Variants in HIPK1 observed in about 807,000 individuals in gnomAD.
HIPK1 encodes homeodomain-interacting protein kinase 1.
In HIPK1, 28 loss-of-function variants were observed where a neutral mutation model predicts 117.1. The observed-to-expected ratio is 0.24, with a 90% CI of 0.18 to 0.33. The LOEUF is 0.33. HIPK1 is among the 10% of genes least tolerant of loss of function. The pLI, the probability that HIPK1 is intolerant of heterozygous loss-of-function variation, is 1.00. For missense variants in HIPK1, 1,122 were observed against 1,475.1 expected (o/e 0.76, Z 3.92); for synonymous variants, 605 against 562.5 (o/e 1.08, Z -1.07).
chr1:113,956,701 G>T lies in HIPK1; in HGVS notation c.1482G>T (p.Leu494=), dbSNP rs1671749902. 6.2e-7 allele frequency: 1 copy of T among 1,614,000 alleles called. No individual in the cohort carries two copies. The highest frequency in any genetic ancestry group is 8.5e-7 in the Non-Finnish European group (1 of 1,179,886). ...EKADRREYID[L]LKKMLTIDAD... The stretch of plus-strand genomic sequence containing the variant: ...CAGACCGAAGAGAATACATTGATCT[G>T]TTAAAGAAAATGCTCACAATTGATG... The change falls in exon 6 of 16, where the codon CTG becomes CTT. Residue 494 remains leucine, a synonymous_variant. Transcript: ENST00000426820.
chr1:113,959,661 T>C (rs1227610969), intron 8 of HIPK1, among the ~76,000 whole-genome samples: 1 of 152,154 alleles, frequency 6.6e-6, no homozygotes, highest in Non-Finnish European at 1.5e-5. Flanking sequence ...ACTAATGAAG[T>C]TAGAGGGGAA....
At chr1:113,969,857 T>A in intron 13 of HIPK1, 99 bp from the exon 14 acceptor site, 1 of 1,337,052 alleles carries the variant, frequency 7.5e-7, no homozygotes, top group Non-Finnish European at 1.0e-6. Context: ...CAGCGAGCTG[T>A]GATCACTCCA....
intron 1 of HIPK1, among the ~76,000 whole-genome samples, chr1:113,930,260 T>A (rs1571629166): frequency 6.6e-6 from 1 of 152,166 alleles, no homozygotes; most frequent in Non-Finnish European, 1.5e-5. Context: ...ACTCGGCCGG[T>A]TTTTTCCCCG....
In HIPK1 at chr1:113,941,137, G is replaced by A; in HGVS notation, c.754G>A (p.Val252Ile). 1 of 1,614,216 alleles carries A rather than the reference G, an allele frequency of 6.2e-7. No individual in the cohort carries two copies. The highest frequency in any genetic ancestry group is 8.5e-7 in the Non-Finnish European group (1 of 1,180,030). Residue 252 changes from valine to isoleucine, a missense_variant, in exon 2 of 16, where the codon GTC becomes ATC. Physicochemically the swap from Val to Ile is conservative, Grantham distance 29. Transcript: ENST00000426820. This position sits in a 1 kb window ranked among gnomAD's most constrained non-coding sequence, Gnocchi z 4.9. ...SSENADEYNF[V>I]RSYECFQHKN... is the part of the protein sequence containing the mutation. ...TGAAAATGCTGATGAGTATAATTTT[G>A]TCCGTTCATACGAGTGCTTTCAGCA...
chr1:113,930,345 GT>G (rs1366684788), intron 1 of HIPK1, among the ~76,000 whole-genome samples: 1 of 152,256 alleles, frequency 6.6e-6, no homozygotes, highest in Non-Finnish European at 1.5e-5. Flanking sequence ...ATGGTTTTGG[GT>G]TATTTGTGCT....
intron 1 of HIPK1, among the ~76,000 whole-genome samples, chr1:113,939,238 T>C (rs1670479230): frequency 6.6e-6 from 1 of 151,926 alleles, no homozygotes; most frequent in African/African-American, 2.4e-5. Flanking sequence ...CACTGCAGCC[T>C]CTACCTCTGG....
At position 113,968,478 on chromosome 1, in the gene HIPK1, T is replaced by A. The variant is rs1001301553; in HGVS notation, c.2601T>A (p.Ser867=). Residue 867 remains serine, a synonymous_variant, in exon 13 of 16, where the codon TCT becomes TCA. Transcript: ENST00000426820. ...ATGTTCTGCCTTCCCAAGTCTATTC[T>A]CTGGTTGGGAGCAGTCCCCTCCGCA... ...SLDVLPSQVY[S]LVGSSPLRTT... The A allele has an allele frequency of 6.2e-7, 1 of 1,614,094 alleles. No individual in the cohort carries two copies. The highest frequency in any genetic ancestry group is 8.5e-7 in the Non-Finnish European group (1 of 1,179,942).
In HIPK1 at chr1:113,956,748, TA is replaced by T. The variant is rs1489116857; in HGVS notation, c.1534del (p.Thr512LeufsTer7). On this transcript the variant is annotated frameshift_variant, in exon 6 of 16. Coordinates refer to ENST00000426820, the MANE Select transcript of HIPK1 (RefSeq NM_198268.3). LOFTEE classifies it high-confidence loss of function. ...GATGCAGATAAGAGAATTACCCCTCTAAAAACTCTTAACCATCAGTTTGTGA... is the reference window on the plus strand; with the variant it reads ...GATGCAGATAAGAGAATTACCCCTCTAAAACTCTTAACCATCAGTTTGTGA... ...TIDADKRITP[L>X]KTLNHQFVTM... 1 of 1,613,924 alleles carries T rather than the reference TA, an allele frequency of 6.2e-7. No homozygotes were observed. Among genetic ancestry groups the T allele is most frequent in the Non-Finnish European group, 8.5e-7 (1 of 1,179,908 alleles).
rs1671435284 is a variant in HIPK1, at chr1:113,952,518, C to T, written c.1077-248C>T. ...TTTGATTATAGTGCACTGCCCTGAA[C>T]TCCACTGGGATTATTATATAATGTG... On this transcript the variant is annotated intron_variant, in intron 2 of 15. Transcript: ENST00000426820. Among the ~76,000 whole-genome samples the T allele has an allele frequency of 3.9e-5, 6 of 152,254 alleles. No homozygotes were observed. In the South Asian group the frequency reaches 1.2e-3, roughly 32 times the overall value.
chr1:113,957,333 A>G, intron 7 of HIPK1, 47 bp downstream of exon 7: 1 of 1,487,910 alleles, frequency 6.7e-7, no homozygotes. Flanking sequence ...TGGGATAGAA[A>G]CTAGTAAGAA....
At chr1:113,971,472 A>G (rs948827450) in intron 14 of HIPK1, among the ~76,000 whole-genome samples, 1 of 152,226 alleles carries the variant, frequency 6.6e-6, no homozygotes, top group Non-Finnish European at 1.5e-5. Context: ...TCAGCTTCAC[A>G]TTATCATTTC....
chr1:113,970,037 C>G lies in HIPK1; in HGVS notation c.2853C>G (p.Ser951Arg). 6.2e-7 allele frequency: 1 copy of G among 1,614,190 alleles called. No individual in the cohort carries two copies. ...DSPDSDSSLS[S>R]PYSTDTLSAL... Reference sequence around the variant, plus strand: ...CAGACTCTGACTCTTCTTTGAGCAGCCCTTATTCCACTGATACCCTGAGTG... The same window carrying G: ...CAGACTCTGACTCTTCTTTGAGCAGGCCTTATTCCACTGATACCCTGAGTG... Residue 951 changes from serine (S) to arginine (R), a missense_variant, in exon 14 of 16, where the codon AGC becomes AGG. By Grantham distance (110) the Ser-to-Arg change is moderately radical. This residue lies in a region of HIPK1 where 731 missense variants were observed against 860.4 expected (regional missense o/e 0.85). Transcript: ENST00000426820.
At chr1:113,951,623 C>A (rs1671366404) in intron 2 of HIPK1, among the ~76,000 whole-genome samples, 1 of 152,160 alleles carries the variant, frequency 6.6e-6, no homozygotes. Context: ...TAACATAATA[C>A]TGTTATTATA....
At chr1:113,942,218 G>T (rs999766704) in intron 2 of HIPK1, among the ~76,000 whole-genome samples, 3 of 151,716 alleles carry the variant, frequency 2.0e-5, no homozygotes, top group Non-Finnish European at 4.4e-5. Context: ...CTGCTACCAC[G>T]CCCGGCTAAT....
intron 2 of HIPK1, among the ~76,000 whole-genome samples, chr1:113,946,898 A>T (rs1196176025): frequency 6.6e-6 from 1 of 152,216 alleles, no homozygotes; most frequent in East Asian, 1.9e-4. Flanking sequence ...ACAGCAGCTC[A>T]GGCATTCCTT....
chr1:113,970,284 G>GATTA, intron 14 of HIPK1, 87 bp downstream of exon 14: 2 of 1,375,296 alleles, frequency 1.5e-6, no homozygotes, highest in Non-Finnish European at 2.0e-6. Context: ...TATATCAGTG[G>GATTA]TAGAGACCAG....
chr1:113,960,960 G>T (rs1672067456), intron 8 of HIPK1, among the ~76,000 whole-genome samples: 1 of 152,182 alleles, frequency 6.6e-6, no homozygotes. Flanking sequence ...AATATTAAGA[G>T]AAATTAGTTG....
chr1:113,957,270 A>G lies in HIPK1; in HGVS notation c.1739A>G (p.Asn580Ser), dbSNP rs114411909. Residue 580 changes from asparagine to serine, a missense_variant, in exon 7 of 16, where the codon AAT (asparagine) becomes AGT (serine). Around this residue, in one of 6 missense-constraint regions of HIPK1, gnomAD observed 731 missense variants for 860.4 expected, o/e 0.85. Transcript: ENST00000426820. ...ACCATGAGCTTCAGCAATCAGCTCAATACAGTGCACAATCAGGTATTCAAT... is the reference window on the plus strand; with the variant it reads ...ACCATGAGCTTCAGCAATCAGCTCAGTACAGTGCACAATCAGGTATTCAAT... ...NLTMSFSNQL[N>S]TVHNQASVLA... The G allele has an allele frequency of 2.2e-4, 356 of 1,613,280 alleles. 2 individuals carry two copies. The South Asian group carries it at 3.3e-3, about 15-fold the overall frequency.
chr1:113,973,112 C>T lies in HIPK1; in HGVS notation c.3233C>T (p.Ser1078Phe). 1.3e-6 allele frequency: 2 copies of T among 1,571,264 alleles called. No homozygotes were observed. Among genetic ancestry groups the T allele is most frequent in the Middle Eastern group, 1.7e-4 (1 of 5,834 alleles). The part of the protein sequence containing the change: ...RRQQAFVAPL[S>F]QAPYTFQHGS... ...CAGCAGGCGTTTGTGGCCCCTCTCTCCCAAGCCCCCTACACCTTCCAGCAT... is the reference window on the plus strand; with the variant it reads ...CAGCAGGCGTTTGTGGCCCCTCTCTTCCAAGCCCCCTACACCTTCCAGCAT... Residue 1078 changes from serine to phenylalanine, a missense_variant, in exon 16 of 16, where the codon TCC (serine) becomes TTC (phenylalanine). Around this residue, in one of 6 missense-constraint regions of HIPK1, gnomAD observed 731 missense variants for 860.4 expected, o/e 0.85. Coordinates refer to ENST00000426820, the MANE Select transcript of HIPK1 (RefSeq NM_198268.3).
Sources: gnomAD v4.1 joint callset for allele counts (sites outside exome capture counted in the v4.1 genomes callset) on GRCh38, gnomAD v4.1.1 for gene constraint, gnomAD v4.1.1 regional missense constraint, Gnocchi (gnomAD v3.1) non-coding constraint, MANE v1.5 for transcripts, NCBI Gene and HGNC (gene_info 2026-07-23, HGNC 2026-07-21) for gene names.